The following FHIT variants were observed in gnomAD, a reference collection of about 807,000 sequenced individuals.
The protein encoded by FHIT is bis(5'-adenosyl)-triphosphatase.
FHIT carries 19 observed loss-of-function variants against 17.9 expected under a neutral mutation model. That is an observed-to-expected ratio of 1.06 (90% CI 0.74 to 1.56). The LOEUF is 1.56. Ranked by LOEUF, FHIT falls within the 40% of genes most tolerant of loss-of-function variation. FHIT has a pLI of 0.00. For missense variants in FHIT, 248 were observed against 189.2 expected (o/e 1.31, Z -1.82); for synonymous variants, 81 against 69.7 (o/e 1.16, Z -0.81).
intron 4 of FHIT, among the ~76,000 whole-genome samples, chr3:60,698,015 T>A (rs1241830117): frequency 6.6e-6 from 1 of 152,146 alleles, no homozygotes; most frequent in Admixed American, 6.6e-5. Flanking sequence ...GAATTACACA[T>A]CTGTCTAACA....
intron 8 of FHIT, among the ~76,000 whole-genome samples, chr3:59,897,685 G>A (rs1172594036): frequency 2.0e-5 from 3 of 152,062 alleles, no homozygotes; most frequent in Non-Finnish European, 2.9e-5. Context: ...ATTTATATAA[G>A]AAGCTGCAAA....
intron 5 of FHIT, among the ~76,000 whole-genome samples, chr3:60,292,631 G>A (rs1576431971): frequency 6.6e-6 from 1 of 152,074 alleles, no homozygotes; most frequent in Non-Finnish European, 1.5e-5. Flanking sequence ...ATAATTAGAT[G>A]TAACTAAATT....
chr3:60,365,659 G>A (rs527999722), intron 5 of FHIT, among the ~76,000 whole-genome samples: 7 of 152,090 alleles, frequency 4.6e-5, no homozygotes, highest in Non-Finnish European at 8.8e-5. Flanking sequence ...ATCTCTTTCA[G>A]ATCAAAATAT....
At chr3:61,021,456 G>T (rs557502371) in intron 3 of FHIT, among the ~76,000 whole-genome samples, 1 of 142,618 alleles carries the variant, frequency 7.0e-6, no homozygotes, top group South Asian at 2.4e-4. Flanking sequence ...AAAATTAGCC[G>T]GGCGTAGCGG....
intron 5 of FHIT, among the ~76,000 whole-genome samples, chr3:60,068,284 A>T (rs1702608794): frequency 6.6e-6 from 1 of 152,146 alleles, no homozygotes; most frequent in Non-Finnish European, 1.5e-5. Flanking sequence ...GGCAGGTCCC[A>T]ATGTCTATTT....
At chr3:60,543,320 T>G (rs1004378842) in intron 4 of FHIT, among the ~76,000 whole-genome samples, 1 of 152,182 alleles carries the variant, frequency 6.6e-6, no homozygotes, top group Non-Finnish European at 1.5e-5. Context: ...ACAGAGATCC[T>G]CTTTCTGTAT....
chr3:60,640,505 T>C (rs995784944), intron 4 of FHIT, among the ~76,000 whole-genome samples: 4 of 152,138 alleles, frequency 2.6e-5, no homozygotes, highest in Admixed American at 6.6e-5. Flanking sequence ...CTTTGAGAAA[T>C]AGTTACATGG....
At chr3:60,409,560 C>T (rs1701991936) in intron 5 of FHIT, among the ~76,000 whole-genome samples, 1 of 152,104 alleles carries the variant, frequency 6.6e-6, no homozygotes, top group Admixed American at 6.6e-5. Flanking sequence ...CTTTTTTCCC[C>T]ACAGGAACTT....
At chr3:61,081,933 C>T (rs2035150879) in intron 2 of FHIT, among the ~76,000 whole-genome samples, 1 of 152,158 alleles carries the variant, frequency 6.6e-6, no homozygotes, top group Non-Finnish European at 1.5e-5. Context: ...ATCACCAAGT[C>T]GTGAGCAGAC....
intron 5 of FHIT, among the ~76,000 whole-genome samples, chr3:60,171,840 G>C (rs574817955): frequency 6.6e-5 from 10 of 150,546 alleles, no homozygotes; most frequent in African/African-American, 2.4e-4. Context: ...CAAATAGTTA[G>C]GATTATAACC....
intron 5 of FHIT, among the ~76,000 whole-genome samples, chr3:60,348,534 T>A (rs1042588306): frequency 7.2e-5 from 11 of 152,224 alleles, no homozygotes; most frequent in Non-Finnish European, 1.0e-4. Flanking sequence ...CTTTCCTTTT[T>A]TGAAAGAGCT....
intron 5 of FHIT, among the ~76,000 whole-genome samples, chr3:60,496,841 A>G (rs908388608): frequency 4.6e-5 from 7 of 152,316 alleles, no homozygotes; most frequent in African/African-American, 1.7e-4. Flanking sequence ...CTGTATCTCA[A>G]AAACAATGCC....
chr3:60,548,431 C>T (rs1345447401), intron 4 of FHIT, among the ~76,000 whole-genome samples: 1 of 152,102 alleles, frequency 6.6e-6, no homozygotes, highest in African/African-American at 2.4e-5. Context: ...CTTCAAAACC[C>T]ACTGGCCGAA....
chr3:60,374,861 G>T (rs1357987372), intron 5 of FHIT, among the ~76,000 whole-genome samples: 1 of 151,978 alleles, frequency 6.6e-6, no homozygotes, highest in Non-Finnish European at 1.5e-5. Context: ...CACTGAACCA[G>T]CCCTTGCAGT....
chr3:60,068,154 T>C (rs1436060923), intron 5 of FHIT, among the ~76,000 whole-genome samples: 1 of 152,096 alleles, frequency 6.6e-6, no homozygotes. Flanking sequence ...GAGAATTCTT[T>C]GAACCAGGAG....
At chr3:59,992,296 A>G (rs191725088) in intron 7 of FHIT, among the ~76,000 whole-genome samples, 57 of 152,170 alleles carry the variant, frequency 3.7e-4, no homozygotes, top group African/African-American at 1.3e-3. Context: ...TGAGTAACTT[A>G]TATTGTTTTC....
intron 5 of FHIT, among the ~76,000 whole-genome samples, chr3:60,135,713 C>T (rs9881795): frequency 0.16 from 24,092 of 152,060 alleles, 3,177 homozygotes; most frequent in African/African-American, 0.36. Flanking sequence ...CTGCACAACC[C>T]CAAAGGACAT....
chr3:59,986,199 T>C (rs1708892767), intron 7 of FHIT, among the ~76,000 whole-genome samples: 1 of 151,760 alleles, frequency 6.6e-6, no homozygotes, highest in Non-Finnish European at 1.5e-5. Flanking sequence ...ACTCATTCTT[T>C]CCAAAAACAA....
At chr3:60,646,901 C>T (rs1260421841) in intron 4 of FHIT, among the ~76,000 whole-genome samples, 5 of 152,156 alleles carry the variant, frequency 3.3e-5, no homozygotes, top group Non-Finnish European at 7.4e-5. Flanking sequence ...GATTACATAA[C>T]CCAGAGCATA....
Sources: allele counts gnomAD v4.1 joint callset (sites outside exome capture counted in the v4.1 genomes callset), GRCh38; gene constraint gnomAD v4.1.1; transcripts MANE v1.5; gene names NCBI Gene and HGNC (gene_info 2026-07-23, HGNC 2026-07-21).